The following GSK3B variants were observed in gnomAD, a reference collection of about 807,000 sequenced individuals.
The protein encoded by GSK3B is glycogen synthase kinase-3 beta.
A neutral mutation model predicts 56.4 loss-of-function variants in GSK3B; 15 were observed. The observed-to-expected ratio is 0.27, with a 90% CI of 0.18 to 0.41. GSK3B has a LOEUF of 0.41. Among genes scored for constraint, GSK3B ranks in the 10% least tolerant of loss-of-function variants. GSK3B has a pLI of 1.00. For synonymous variants in GSK3B, 181 were observed against 188.9 expected (o/e 0.96, Z 0.34); for missense variants, 300 against 513.4 (o/e 0.58, Z 4.02).
Position 119,912,820 on chromosome 3 carries a change from A to G in GSK3B, c.609-10T>C, listed in dbSNP as rs762493772. On this transcript the variant is annotated splice_polypyrimidine_tract_variant and intron_variant, in intron 5 of 10. Transcript: ENST00000264235. ...GACCAGCTGCTTTGCACTAACAGAA[A>G]AAAAATAAAAATAAAAAGCAGAAAT... 9 of 1,427,096 alleles carry G rather than the reference A, an allele frequency of 6.3e-6. No individual in the cohort carries two copies. Among genetic ancestry groups the G allele is most frequent in the Non-Finnish European group, 8.8e-6 (9 of 1,020,916 alleles). 88.4% of individuals were successfully genotyped at this position (1,427,096 alleles called of 1,614,324 possible).
At chr3:120,011,281 C>T (rs1428954311) in intron 1 of GSK3B, among the ~76,000 whole-genome samples, 2 of 152,160 alleles carry the variant, frequency 1.3e-5, no homozygotes, top group East Asian at 1.9e-4. Flanking sequence ...TCCCTATTTG[C>T]CTCCACAGGT....
At chr3:119,857,411 C>A (rs1228227195) in intron 9 of GSK3B, among the ~76,000 whole-genome samples, 2 of 152,214 alleles carry the variant, frequency 1.3e-5, no homozygotes, top group African/African-American at 4.8e-5. Flanking sequence ...CTGTTGTCAT[C>A]TCAACATAGC....
intron 3 of GSK3B, among the ~76,000 whole-genome samples, chr3:119,924,200 A>T (rs1454534747): frequency 6.6e-6 from 1 of 152,246 alleles, no homozygotes; most frequent in Non-Finnish European, 1.5e-5. Flanking sequence ...ACCAGTGGAG[A>T]AAAAGAAAGG....
intron 7 of GSK3B, among the ~76,000 whole-genome samples, chr3:119,892,211 C>T (rs993950528): frequency 7.2e-5 from 11 of 152,098 alleles, no homozygotes; most frequent in African/African-American, 1.9e-4. Flanking sequence ...GTCGCTACTC[C>T]GCTTAAAATC....
At chr3:120,037,940 T>A (rs1159105450) in intron 1 of GSK3B, among the ~76,000 whole-genome samples, 1 of 152,156 alleles carries the variant, frequency 6.6e-6, no homozygotes, top group African/African-American at 2.4e-5. Flanking sequence ...GAATAAAAAA[T>A]ATATAAAACA....
intron 1 of GSK3B, chr3:120,029,170 C>A: frequency 1.5e-6 from 1 of 684,614 alleles, no homozygotes; most frequent in Non-Finnish European, 2.7e-6. Flanking sequence ...CATAAGATCA[C>A]AAAAAAGAGA....
chr3:119,999,312 G>A (rs947534232), intron 2 of GSK3B, among the ~76,000 whole-genome samples: 3 of 152,142 alleles, frequency 2.0e-5, no homozygotes, highest in East Asian at 3.8e-4. Context: ...TTGATACAGC[G>A]AGGATAAAAT....
chr3:119,823,162 A>AT lies in GSK3B; in HGVS notation c.*3625dup. ...CTTTGGTTTGGTAGTTTTTTCTTCT[A>AT]TTCAAGACATTTTATATGGACTACT... On this transcript the variant is annotated 3_prime_UTR_variant, in exon 11 of 11. Coordinates refer to ENST00000264235, the MANE Select transcript of GSK3B (RefSeq NM_001146156.2). 4.4e-6 allele frequency: 1 copy of AT among 229,788 alleles called. No individual in the cohort carries two copies. Among genetic ancestry groups the AT allele is most frequent in the Non-Finnish European group, 8.6e-6 (1 of 115,854 alleles). The allele number at this position is 229,788 out of a possible 1,614,324, so 14.2% of individuals were successfully genotyped here.
At chr3:119,932,131 T>G (rs1274681503) in intron 3 of GSK3B, among the ~76,000 whole-genome samples, 1 of 152,226 alleles carries the variant, frequency 6.6e-6, no homozygotes, top group Non-Finnish European at 1.5e-5. Flanking sequence ...TGAGGTTACA[T>G]TTTTAATAGA....
At chr3:119,959,688 T>C (rs1341387827) in intron 2 of GSK3B, among the ~76,000 whole-genome samples, 1 of 151,892 alleles carries the variant, frequency 6.6e-6, no homozygotes, top group Non-Finnish European at 1.5e-5. Context: ...CTAATTTTTT[T>C]GTATTTTTAG....
At chr3:120,037,718 T>C (rs1470059841) in intron 1 of GSK3B, among the ~76,000 whole-genome samples, 2 of 152,150 alleles carry the variant, frequency 1.3e-5, no homozygotes, top group Non-Finnish European at 2.9e-5. Context: ...ATTTAGTGGT[T>C]TCAGAAAATA....
chr3:119,826,918 T>C, intron 10 of GSK3B, 63 bp from the exon 11 acceptor site: 1 of 1,010,860 alleles, frequency 9.9e-7, no homozygotes, highest in Non-Finnish European at 1.6e-6. Flanking sequence ...AGAGAACAAG[T>C]ACACTGTTTC....
intron 2 of GSK3B, among the ~76,000 whole-genome samples, chr3:119,972,263 T>C (rs2057374383): frequency 6.6e-6 from 1 of 152,150 alleles, no homozygotes; most frequent in Non-Finnish European, 1.5e-5. Flanking sequence ...ATAGGCATCA[T>C]AATAAATGAG....
chr3:119,908,424 G>A (rs1481460606), intron 6 of GSK3B, among the ~76,000 whole-genome samples: 1 of 152,144 alleles, frequency 6.6e-6, no homozygotes, highest in Non-Finnish European at 1.5e-5. Context: ...GTCTAAAAAT[G>A]CCACAAAAGA....
At chr3:119,940,988 T>C (rs2107485352) in intron 3 of GSK3B, among the ~76,000 whole-genome samples, 1 of 152,152 alleles carries the variant, frequency 6.6e-6, no homozygotes, top group South Asian at 2.1e-4. Flanking sequence ...ATACCACTAC[T>C]TCTAGTACTG....
intron 7 of GSK3B, among the ~76,000 whole-genome samples, chr3:119,884,207 C>T (rs1035656262): frequency 1.3e-5 from 2 of 152,086 alleles, no homozygotes; most frequent in African/African-American, 2.4e-5. Flanking sequence ...AACACTTAAA[C>T]GACAGAGAAG....
chr3:119,924,177 C>T (rs139952397), intron 3 of GSK3B, among the ~76,000 whole-genome samples: 1 of 152,204 alleles, frequency 6.6e-6, no homozygotes, highest in Non-Finnish European at 1.5e-5. Context: ...CATAAAGACA[C>T]CAACTCAACA....
chr3:119,952,662 A>T (rs916550517), intron 2 of GSK3B, among the ~76,000 whole-genome samples: 3 of 151,914 alleles, frequency 2.0e-5, no homozygotes, highest in African/African-American at 7.2e-5. Flanking sequence ...CATGGGAAAA[A>T]CAATACAATT....
chr3:120,039,061 T>C (rs1267312894), intron 1 of GSK3B, among the ~76,000 whole-genome samples: 2 of 152,164 alleles, frequency 1.3e-5, no homozygotes, highest in Non-Finnish European at 1.5e-5. Flanking sequence ...AAAGAAGATA[T>C]ACAGGTAGCA....
Sources: gnomAD v4.1 joint callset for allele counts (sites outside exome capture counted in the v4.1 genomes callset) on GRCh38, gnomAD v4.1.1 for gene constraint, MANE v1.5 for transcripts, NCBI Gene and HGNC (gene_info 2026-07-23, HGNC 2026-07-21) for gene names.